Variants in EXD3 observed in about 807,000 individuals in gnomAD.
EXD3 encodes exonuclease mut-7 homolog.
EXD3 carries 92 observed loss-of-function variants against 98.0 expected under a neutral mutation model. The ratio of observed to expected loss-of-function variants is 0.94; its 90% CI spans 0.79 to 1.12. The LOEUF is 1.12. Among genes scored for constraint, EXD3 ranks in the 50% most tolerant of loss-of-function variants. The pLI is 0.00. For synonymous variants in EXD3, 569 were observed against 526.0 expected (o/e 1.08, Z -1.12); for missense variants, 1,222 against 1,191.6 (o/e 1.03, Z -0.38).
In EXD3 at chr9:137,323,996, A is replaced by G. The variant is rs1052779699; in HGVS notation, c.2052+94T>C. The G allele has an allele frequency of 1.1e-5, 17 of 1,530,678 alleles. No homozygotes were observed. The African/African-American group carries it at 2.3e-4, about 21-fold the overall frequency. The allele number at this position is 1,530,678 out of a possible 1,614,324, so 94.8% of individuals were successfully genotyped here. A position where few individuals can be genotyped will look rare whatever the true frequency, so the allele number is the denominator to read the frequency against. On this transcript the variant is annotated intron_variant, in intron 18 of 21. Coordinates refer to ENST00000340951, the MANE Select transcript of EXD3 (RefSeq NM_017820.5). ...GGCAGAGGCGCTGGGGGTCGGCCCC[A>G]CGGCAAGCTGACCCTGAGGTGGGGG...
At chr9:137,333,631 G>T (rs1234274187) in intron 17 of EXD3, among the ~76,000 whole-genome samples, 1 of 152,112 alleles carries the variant, frequency 6.6e-6, no homozygotes, top group Non-Finnish European at 1.5e-5. Context: ...GTTTAAAAGT[G>T]CGTAGCGCGT....
rs1564498697 is a variant in EXD3, at chr9:137,349,157, T to G, written c.1783A>C (p.Lys595Gln). The change falls in exon 16 of 22, where the codon AAG becomes CAG. Residue 595 changes from lysine to glutamine, a missense_variant. By Grantham distance (53) the Lys-to-Gln change is moderately conservative. Coordinates refer to ENST00000340951, the MANE Select transcript of EXD3 (RefSeq NM_017820.5). This position sits in a 1 kb window ranked among gnomAD's most constrained non-coding sequence, Gnocchi z 7.4. ...GACGCTTTCTGCAGGCCGGGTGGCTTCCGTGCCCCTGGTCTCTCTCTGTGC... is the reference window on the plus strand; with the variant it reads ...GACGCTTTCTGCAGGCCGGGTGGCTGCCGTGCCCCTGGTCTCTCTCTGTGC... Reference protein sequence around the residue: ...PRHRERPGARKPPGLQKASAP... With the variant: ...PRHRERPGARQPPGLQKASAP... 1 of 1,596,814 alleles carries G rather than the reference T, an allele frequency of 6.3e-7. No individual in the cohort carries two copies. The highest frequency in any genetic ancestry group is 2.2e-5 in the East Asian group (1 of 44,690).
rs560346187 is a variant in EXD3, at chr9:137,410,074, G to A, written c.-48+13040C>T. Among the ~76,000 whole-genome samples, 14 of 152,222 alleles carry A rather than the reference G, an allele frequency of 9.2e-5. No individual in the cohort carries two copies. The South Asian group carries it at 2.9e-3, about 32-fold the overall frequency. ...GCCTGTAATCCCAGCTACTCGGGAC[G>A]TTGAGGCAGGAGAATGGTGTGAACC... On this transcript the variant is annotated intron_variant, in intron 1 of 21. Coordinates refer to ENST00000340951, the MANE Select transcript of EXD3 (RefSeq NM_017820.5).
At chr9:137,419,136 G>C (rs1161825763) in intron 1 of EXD3, among the ~76,000 whole-genome samples, 1 of 152,104 alleles carries the variant, frequency 6.6e-6, no homozygotes, top group African/African-American at 2.4e-5. Flanking sequence ...GTCAAATGTG[G>C]AATGCTGTTG....
Position 137,423,101 on chromosome 9 carries a change from CG to C in EXD3, c.-48+12del. 6.6e-6 allele frequency: 1 copy of C among 151,770 alleles called. No homozygotes were observed. Among genetic ancestry groups the C allele is most frequent in the Non-Finnish European group, 1.5e-5 (1 of 67,988 alleles). The allele number at this position is 151,770 out of a possible 1,614,324, so 9.4% of individuals were successfully genotyped here. A position where few individuals can be genotyped will look rare whatever the true frequency, so the allele number is the denominator to read the frequency against. On this transcript the variant is annotated intron_variant, in intron 1 of 21. Coordinates refer to ENST00000340951, the MANE Select transcript of EXD3 (RefSeq NM_017820.5). ...GACCGCCCACCTGGCCCGCGCGGCC[CG>C]GGGTCGCTCACCTGCGGGGCCGGGA...
At chr9:137,374,232 A>C (rs1047537331) in intron 3 of EXD3, among the ~76,000 whole-genome samples, 1 of 152,250 alleles carries the variant, frequency 6.6e-6, no homozygotes, top group Non-Finnish European at 1.5e-5. Flanking sequence ...GTCATTCCGC[A>C]GGTAGAATCT....
Position 137,347,254 on chromosome 9 carries a change from G to A in EXD3, c.1998+817C>T, listed in dbSNP as rs1273032864. The stretch of plus-strand genomic sequence containing the variant: ...GGCTGAAATCACAGTGTTCGCGACG[G>A]CAGGCTCCTCTTAGGAGACTCCGGG... On this transcript the variant is annotated intron_variant, in intron 17 of 21. Transcript: ENST00000340951. The surrounding 1 kb of genome is among the most constrained non-coding windows in gnomAD (Gnocchi z 4.2). Among the ~76,000 whole-genome samples, 2 of 152,156 alleles carry A rather than the reference G, an allele frequency of 1.3e-5. No homozygotes were observed. Among genetic ancestry groups the A allele is most frequent in the Admixed American group, 1.3e-4 (2 of 15,264 alleles).
At chr9:137,392,731 CAGGCTGTTCCAGGGGGCACCG>C (rs1398272762) in intron 2 of EXD3, 183 of 345,008 alleles carry the variant, frequency 5.3e-4, no homozygotes, top group East Asian at 1.1e-3. Context: ...CCAGGAGCAC[CAGGCTGTTCCAGGGGGCACCG>C]AGGCTGTTCC....
intron 17 of EXD3, among the ~76,000 whole-genome samples, chr9:137,338,753 A>C (rs28708412): frequency 0.025 from 3,701 of 149,216 alleles, 136 homozygotes; most frequent in African/African-American, 0.083. Flanking sequence ...AAAAGCTGGG[A>C]GTGGTGGCGG....
intron 19 of EXD3, among the ~76,000 whole-genome samples, chr9:137,317,606 C>T (rs1831756932): frequency 6.6e-6 from 1 of 152,064 alleles, no homozygotes; most frequent in Admixed American, 6.5e-5. Context: ...GATGAGGGGG[C>T]AGTGGGGCCT....
intron 3 of EXD3, 70 bp from the exon 4 acceptor site, chr9:137,373,669 G>A (rs558888395): frequency 1.2e-5 from 17 of 1,442,468 alleles, no homozygotes; most frequent in Admixed American, 2.7e-5. Context: ...CCTCCCCACC[G>A]CAGAGAGGTT....
intron 19 of EXD3, among the ~76,000 whole-genome samples, chr9:137,315,552 T>C (rs1831601691): frequency 6.6e-6 from 1 of 152,040 alleles, no homozygotes; most frequent in Non-Finnish European, 1.5e-5. Flanking sequence ...CCACAGGGCC[T>C]GGGCAGGAGG....
At chr9:137,308,934 C>A (rs921826094) in intron 20 of EXD3, among the ~76,000 whole-genome samples, 2 of 152,148 alleles carry the variant, frequency 1.3e-5, no homozygotes, top group East Asian at 1.9e-4. Flanking sequence ...CGTGAGCCAC[C>A]GCGCCCAGCC....
At chr9:137,411,205 C>T (rs543930415) in intron 1 of EXD3, among the ~76,000 whole-genome samples, 7 of 152,312 alleles carry the variant, frequency 4.6e-5, no homozygotes, top group African/African-American at 1.2e-4. Flanking sequence ...CCGAATGGAG[C>T]GCAGGCGTGG....
At chr9:137,335,836 C>T (rs895336250) in intron 17 of EXD3, among the ~76,000 whole-genome samples, 20 of 151,858 alleles carry the variant, frequency 1.3e-4, no homozygotes, top group Non-Finnish European at 1.9e-4. Context: ...AAGACACCTG[C>T]GCACATGTTT....
intron 5 of EXD3, among the ~76,000 whole-genome samples, chr9:137,369,535 C>T (rs1447265507): frequency 1.3e-5 from 2 of 152,202 alleles, no homozygotes; most frequent in Non-Finnish European, 2.9e-5. Context: ...GAGCAGGTGA[C>T]GCTGGGACCA....
chr9:137,310,304 C>A (rs1319402364), intron 19 of EXD3, among the ~76,000 whole-genome samples: 1 of 152,180 alleles, frequency 6.6e-6, no homozygotes, highest in African/African-American at 2.4e-5. Context: ...AATGTAGTGG[C>A]GCAATCACAG....
intron 19 of EXD3, among the ~76,000 whole-genome samples, chr9:137,315,016 G>A (rs1588224570): frequency 6.6e-6 from 1 of 152,308 alleles, no homozygotes; most frequent in South Asian, 2.1e-4. Flanking sequence ...TGGACACAAG[G>A]ACATGTGGCC....
At chr9:137,326,501 G>C (rs1265415185) in intron 17 of EXD3, among the ~76,000 whole-genome samples, 1 of 152,124 alleles carries the variant, frequency 6.6e-6, no homozygotes, top group Non-Finnish European at 1.5e-5. Context: ...ACTCCAGCCT[G>C]GGTAACAAAG....
Sources: allele counts gnomAD v4.1 joint callset (sites outside exome capture counted in the v4.1 genomes callset), GRCh38; gene constraint gnomAD v4.1.1; non-coding constraint Gnocchi (gnomAD v3.1); transcripts MANE v1.5; gene names NCBI Gene and HGNC (gene_info 2026-07-23, HGNC 2026-07-21).